Variants in FRMD4A observed in about 807,000 individuals in gnomAD.
FRMD4A encodes the protein FERM domain containing 4A, also known as FERM domain-containing protein 4A.
In FRMD4A, 29 loss-of-function variants were observed where a neutral mutation model predicts 129.1. That is an observed-to-expected ratio of 0.22 (90% confidence interval 0.17 to 0.31). The LOEUF is 0.31. Among genes scored for constraint, FRMD4A ranks in the 10% least tolerant of loss-of-function variants. FRMD4A has a pLI of 1.00. For synonymous variants in FRMD4A, 634 were observed against 571.6 expected (o/e 1.11, Z -1.56); for missense variants, 1,272 against 1,375.8 (o/e 0.92, Z 1.19).
chr10:14,247,810 T>C (rs1296251250), intron 2 of FRMD4A, among the ~76,000 whole-genome samples: 1 of 152,162 alleles, frequency 6.6e-6, no homozygotes, highest in Non-Finnish European at 1.5e-5. Context: ...TTAAATTGAG[T>C]GTGAGGGAAC....
At chr10:13,858,957 G>A (rs1241330012) in intron 2 of FRMD4A, 45 bp from the exon 3 acceptor site, 7 of 1,221,648 alleles carry the variant, frequency 5.7e-6, no homozygotes, top group Admixed American at 1.7e-5. Flanking sequence ...CTAGCAGCCA[G>A]ACAAAGGGTT....
At chr10:14,277,741 C>T (rs1375564558) in intron 2 of FRMD4A, among the ~76,000 whole-genome samples, 1 of 152,228 alleles carries the variant, frequency 6.6e-6, no homozygotes, top group African/African-American at 2.4e-5. Context: ...CCACTCCTCA[C>T]ACCGAGTTGC....
chr10:13,858,346 A>C (rs938102110), intron 3 of FRMD4A, among the ~76,000 whole-genome samples: 5 of 152,316 alleles, frequency 3.3e-5, no homozygotes, highest in Admixed American at 3.3e-4. Flanking sequence ...GAGGCAGGAG[A>C]ATCGCTTGAA....
intron 2 of FRMD4A, among the ~76,000 whole-genome samples, chr10:13,996,752 C>T (rs2095623985): frequency 1.3e-5 from 2 of 152,180 alleles, no homozygotes; most frequent in Admixed American, 1.3e-4. Context: ...GGATTTTCTT[C>T]TACAAGAACT....
chr10:14,269,682 C>T (rs1337245259), intron 2 of FRMD4A, among the ~76,000 whole-genome samples: 1 of 152,214 alleles, frequency 6.6e-6, no homozygotes, highest in African/African-American at 2.4e-5. Flanking sequence ...AGGATACTCT[C>T]CACATCTCAA....
intron 2 of FRMD4A, among the ~76,000 whole-genome samples, chr10:13,916,366 A>G (rs1195386451): frequency 6.6e-6 from 1 of 151,224 alleles, no homozygotes; most frequent in Non-Finnish European, 1.5e-5. Flanking sequence ...TTCTACATCT[A>G]CTCTTAAGGC....
chr10:13,988,960 A>G (rs1172337528), intron 2 of FRMD4A, among the ~76,000 whole-genome samples: 1 of 152,220 alleles, frequency 6.6e-6, no homozygotes, highest in African/African-American at 2.4e-5. Context: ...TGCATTTAGT[A>G]AAACCCCCAG....
chr10:14,145,131 T>C (rs1200644843), intron 2 of FRMD4A, among the ~76,000 whole-genome samples: 2 of 152,078 alleles, frequency 1.3e-5, no homozygotes, highest in Non-Finnish European at 2.9e-5. Context: ...CACAGGCAGG[T>C]GAGGACACAT....
chr10:14,279,030 T>A (rs933807417), intron 2 of FRMD4A, among the ~76,000 whole-genome samples: 2 of 152,054 alleles, frequency 1.3e-5, no homozygotes, highest in Non-Finnish European at 2.9e-5. Flanking sequence ...CATCTAACAG[T>A]GTTGGGGCCG....
chr10:13,790,864 C>T (rs753580488), intron 5 of FRMD4A, among the ~76,000 whole-genome samples: 18 of 151,710 alleles, frequency 1.2e-4, no homozygotes, highest in Non-Finnish European at 2.4e-4. Flanking sequence ...TCACAGAGGA[C>T]GTTTTCTTCA....
Position 13,835,655 on chromosome 10 carries a change from T to C in FRMD4A, c.111+23192A>G, listed in dbSNP as rs1009096667. 8.5e-5 allele frequency among the ~76,000 whole-genome samples: 13 copies of C among 152,300 alleles called. No individual in the cohort carries two copies. The South Asian group carries it at 2.5e-3, about 29-fold the overall frequency. ...GCTCCATCAGGTGTCTAATGCCTGA[T>C]GATGTGTCACTGTCTCCCATCACCC... On this transcript the variant is annotated intron_variant, in intron 3 of 24. Transcript: ENST00000357447.
chr10:13,657,414 G>T lies in FRMD4A; in HGVS notation c.2175C>A (p.Thr725=), dbSNP rs549475386. 2.5e-6 allele frequency: 4 copies of T among 1,608,050 alleles called. No individual in the cohort carries two copies. In the South Asian group the frequency reaches 4.4e-5, roughly 18 times the overall value. Residue 725 remains threonine (T), a synonymous_variant, in exon 22 of 25, where the codon ACC becomes ACA. Coordinates refer to ENST00000357447, the MANE Select transcript of FRMD4A (RefSeq NM_018027.5). ...GCGGGGTGTAGAAGTCGGGGCTCCC[G>T]GTGTCGTTTTCCGAGCCCAGGAGCT... ...QGKLLGSEND[T]GSPDFYTPRT... is the part of the protein sequence containing the mutation.
chr10:14,319,494 T>C (rs1175800567), intron 2 of FRMD4A, among the ~76,000 whole-genome samples: 3 of 152,194 alleles, frequency 2.0e-5, no homozygotes, highest in South Asian at 4.1e-4. Flanking sequence ...CGTCATCTAA[T>C]GGAACTGCAT....
In FRMD4A at chr10:13,946,856, G is replaced by A. The variant is rs145312894; in HGVS notation, c.46-87944C>T. 5.3e-5 allele frequency among the ~76,000 whole-genome samples: 8 copies of A among 152,300 alleles called. No homozygotes were observed. In the East Asian group the frequency reaches 1.5e-3, roughly 29 times the overall value. ...TCCTATACCTGGCTGAGTGCTGTGA[G>A]CTGGCCATGCTTCAATAAACAGCAG... On this transcript the variant is annotated intron_variant, in intron 2 of 24. Transcript: ENST00000357447.
rs559081905 is a variant in FRMD4A at position 13,644,143 on chromosome 10, A to T, written c.*2895T>A. 1 of 152,468 alleles carries T rather than the reference A, an allele frequency of 6.6e-6. No homozygotes were observed. The highest frequency in any genetic ancestry group is 1.5e-5 in the Non-Finnish European group (1 of 68,046). 9.4% of individuals were successfully genotyped at this position (152,468 alleles called of 1,614,324 possible). A position where few individuals can be genotyped will look rare whatever the true frequency, so the allele number is the denominator to read the frequency against. On this transcript the variant is annotated 3_prime_UTR_variant, in exon 25 of 25. Coordinates refer to ENST00000357447, the MANE Select transcript of FRMD4A (RefSeq NM_018027.5). ...CAGTTTCAACACTCACCTGCATATA[A>T]TAAAATAAAAAATCAACCTGGCTCA...
chr10:13,833,765 C>G (rs2093827662), intron 3 of FRMD4A, among the ~76,000 whole-genome samples: 1 of 152,042 alleles, frequency 6.6e-6, no homozygotes, highest in Non-Finnish European at 1.5e-5. Context: ...AGTTAATCAT[C>G]TCAACAACAC....
chr10:14,140,138 T>G (rs1412517768), intron 2 of FRMD4A, among the ~76,000 whole-genome samples: 1 of 152,180 alleles, frequency 6.6e-6, no homozygotes, highest in Non-Finnish European at 1.5e-5. Flanking sequence ...CTCGGCTCAC[T>G]GCAACCTCTC....
intron 2 of FRMD4A, among the ~76,000 whole-genome samples, chr10:14,006,263 C>T (rs900622830): frequency 7.9e-5 from 12 of 152,138 alleles, no homozygotes; most frequent in African/African-American, 1.2e-4. Flanking sequence ...ATGTGCAGCG[C>T]GGGAGGGCCC....
chr10:14,249,493 A>G (rs922530313), intron 2 of FRMD4A, among the ~76,000 whole-genome samples: 1 of 152,190 alleles, frequency 6.6e-6, no homozygotes, highest in Non-Finnish European at 1.5e-5. Flanking sequence ...CCCAGTCTGC[A>G]CTGCCCATGC....
Sources: gnomAD v4.1 joint callset for allele counts (sites outside exome capture counted in the v4.1 genomes callset) on GRCh38, gnomAD v4.1.1 for gene constraint, MANE v1.5 for transcripts, NCBI Gene and HGNC (gene_info 2026-07-23, HGNC 2026-07-21) for gene names.